OPCML: variants seen among roughly 807,000 people sequenced by gnomAD.
OPCML encodes opioid-binding protein/cell adhesion molecule.
In OPCML, 13 loss-of-function variants were observed where a neutral mutation model predicts 37.8. The ratio of observed to expected loss-of-function variants is 0.34; its 90% CI spans 0.22 to 0.55. The LOEUF (loss-of-function observed/expected upper bound fraction) is 0.55, where lower values mean the gene tolerates loss of function less well. Among genes scored for constraint, OPCML ranks in the 20% least tolerant of loss-of-function variants. The pLI, the probability that OPCML is intolerant of heterozygous loss-of-function variation, is 0.91. For synonymous variants in OPCML, 176 were observed against 168.8 expected (o/e 1.04, Z -0.33); for missense variants, 341 against 435.6 (o/e 0.78, Z 1.93).
intron 1 of OPCML, chr11:133,004,450 A>G (rs1489140547): frequency 2.0e-6 from 2 of 985,334 alleles, no homozygotes; most frequent in Non-Finnish European, 2.4e-6. Flanking sequence ...CAGCATGTGG[A>G]GGCTGAGGTG....
At chr11:133,363,617 T>C (rs954643140) in intron 1 of OPCML, among the ~76,000 whole-genome samples, 3 of 152,208 alleles carry the variant, frequency 2.0e-5, no homozygotes, top group Non-Finnish European at 4.4e-5. Flanking sequence ...CAGTCTTTCC[T>C]ATGCACGTGT....
intron 4 of OPCML, among the ~76,000 whole-genome samples, chr11:132,462,854 A>C (rs1010792761): frequency 3.3e-5 from 5 of 152,268 alleles, no homozygotes; most frequent in Non-Finnish European, 5.9e-5. Flanking sequence ...GTATCTGGAA[A>C]TTGCCCCTGA....
intron 1 of OPCML, among the ~76,000 whole-genome samples, chr11:133,119,774 G>T (rs1345740384): frequency 6.6e-6 from 1 of 152,222 alleles, no homozygotes; most frequent in Non-Finnish European, 1.5e-5. Context: ...CAGGGGCAGA[G>T]GCTCACGTGA....
intron 2 of OPCML, among the ~76,000 whole-genome samples, chr11:132,922,785 G>A (rs986093453): frequency 4.6e-5 from 7 of 152,254 alleles, no homozygotes; most frequent in Middle Eastern, 3.4e-3. Flanking sequence ...AAGACACAGC[G>A]GGAGAGGCTG....
chr11:132,593,823 T>A (rs1339843919), intron 3 of OPCML, among the ~76,000 whole-genome samples: 1 of 152,178 alleles, frequency 6.6e-6, no homozygotes, highest in Non-Finnish European at 1.5e-5. Flanking sequence ...CCTGTAACCA[T>A]GAAAAATCAA....
At chr11:133,374,863 G>A (rs1488043094) in intron 1 of OPCML, among the ~76,000 whole-genome samples, 4 of 152,164 alleles carry the variant, frequency 2.6e-5, no homozygotes, top group Admixed American at 6.5e-5. Context: ...ATGCAGCCAA[G>A]GTACCATATG....
At chr11:133,079,780 A>G (rs1948680797) in intron 1 of OPCML, among the ~76,000 whole-genome samples, 1 of 151,818 alleles carries the variant, frequency 6.6e-6, no homozygotes, top group Non-Finnish European at 1.5e-5. Context: ...AAGGACCTAT[A>G]TGTTCCCCAA....
In OPCML at chr11:132,803,814, A is replaced by G. The variant is rs1266751714; in HGVS notation, c.146+139112T>C. ...TGTGTCAATTTTTCTACTTAAAAAT[A>G]GGGATAGTACCTAAATTAGAGTGCT... On this transcript the variant is annotated intron_variant, in intron 2 of 7. Coordinates refer to ENST00000524381, the MANE Select transcript of OPCML (RefSeq NM_001012393.5). Among the ~76,000 whole-genome samples the G allele has an allele frequency of 3.3e-5, 5 of 152,370 alleles. No individual in the cohort carries two copies. The South Asian group carries it at 6.2e-4, about 19-fold the overall frequency.
chr11:133,127,462 G>A (rs565569480), intron 1 of OPCML, among the ~76,000 whole-genome samples: 1 of 152,038 alleles, frequency 6.6e-6, no homozygotes, highest in East Asian at 1.9e-4. Flanking sequence ...GAAAAACCCT[G>A]TCTCTACAAA....
chr11:133,293,146 G>C (rs1026433270), intron 1 of OPCML, among the ~76,000 whole-genome samples: 2 of 152,154 alleles, frequency 1.3e-5, no homozygotes, highest in African/African-American at 4.8e-5. Flanking sequence ...GATCTGGGTA[G>C]AATTTTTGGA....
At chr11:133,198,702 G>A (rs1336388986) in intron 1 of OPCML, among the ~76,000 whole-genome samples, 1 of 152,206 alleles carries the variant, frequency 6.6e-6, no homozygotes, top group African/African-American at 2.4e-5. Flanking sequence ...GGAGTGTGAT[G>A]GGATGAGGCC....
In OPCML at chr11:132,441,360, G is replaced by GTTT. The variant is rs2096034368; in HGVS notation, c.506-4002_506-4001insAAA. ...TTTTTTTGTATTTTTAGTAGAGACGGGGTTTCACCGTTTTAGCCGGGATGG... is the reference window on the plus strand; with the variant it reads ...TTTTTTTGTATTTTTAGTAGAGACGGTTTGGTTTCACCGTTTTAGCCGGGATGG... On this transcript the variant is annotated intron_variant, in intron 4 of 7. Transcript: ENST00000524381. Among the ~76,000 whole-genome samples the GTTT allele has an allele frequency of 3.3e-5, 5 of 151,068 alleles. No homozygotes were observed. In the South Asian group the frequency reaches 1.0e-3, roughly 32 times the overall value.
rs1205739187 is a variant in OPCML, at chr11:132,436,196, C to T, written c.806G>A (p.Gly269Asp). The T allele has an allele frequency of 2.5e-6, 4 of 1,614,092 alleles. No homozygotes were observed. Among genetic ancestry groups the T allele is most frequent in the African/African-American group, 1.3e-5 (1 of 74,946 alleles). The change falls in exon 7 of 8, where the codon GGC becomes GAC. Residue 269 changes from glycine to aspartate, a missense_variant. By Grantham distance (94) the Gly-to-Asp change is moderately conservative (BLOSUM62 -1). Transcript: ENST00000524381. Reference sequence around the variant, plus strand: ...GAAGAAAGTCAGAGTGGACATGCGGCCTTTGTTTTCAATCCTCATTCCATC... The same window carrying T: ...GAAGAAAGTCAGAGTGGACATGCGGTCTTTGTTTTCAATCCTCATTCCATC... ...GLDGMRIENK[G>D]RMSTLTFFNV...
chr11:132,586,700 G>C (rs1285128992), intron 3 of OPCML, among the ~76,000 whole-genome samples: 1 of 152,138 alleles, frequency 6.6e-6, no homozygotes, highest in Non-Finnish European at 1.5e-5. Context: ...ATGACACTGT[G>C]CTCAATAGAA....
chr11:133,396,436 A>G (rs10894675), intron 1 of OPCML, among the ~76,000 whole-genome samples: 71,599 of 151,642 alleles, frequency 0.47, 19,464 homozygotes, highest in African/African-American at 0.76. Context: ...TTATTTTTCC[A>G]CATTCCTATG....
intron 1 of OPCML, chr11:133,009,220 AG>A: frequency 1.0e-6 from 1 of 985,286 alleles, no homozygotes; most frequent in Non-Finnish European, 1.2e-6. Context: ...CCCTGATCTC[AG>A]GGAACTTCAA....
At position 133,009,247 on chromosome 11, in the gene OPCML, G is replaced by A. The variant is rs1021357722; in HGVS notation, c.62-66237C>T. The A allele has an allele frequency of 2.0e-5, 20 of 984,888 alleles. No individual in the cohort carries two copies. The East Asian group carries it at 1.4e-3, about 67-fold the overall frequency. 61.0% of individuals were successfully genotyped at this position (984,888 alleles called of 1,614,324 possible). A position where few individuals can be genotyped will look rare whatever the true frequency, so the allele number is the denominator to read the frequency against. ...GGAACTTCAAGTGTTGCAAGAAAAC[G>A]GACATAAATACTTGCTTGTTAAAAT... On this transcript the variant is annotated intron_variant, in intron 1 of 7. Coordinates refer to ENST00000524381, the MANE Select transcript of OPCML (RefSeq NM_001012393.5).
chr11:133,227,992 T>A (rs1940110551), intron 1 of OPCML, among the ~76,000 whole-genome samples: 1 of 152,216 alleles, frequency 6.6e-6, no homozygotes, highest in African/African-American at 2.4e-5. Flanking sequence ...TCTGGGAACC[T>A]GGGGACTCTG....
At chr11:133,076,931 G>A (rs1948629653) in intron 1 of OPCML, among the ~76,000 whole-genome samples, 1 of 152,152 alleles carries the variant, frequency 6.6e-6, no homozygotes, top group South Asian at 2.1e-4. Flanking sequence ...AGTAGAGCTA[G>A]TGTGGGTGAC....
Sources: gnomAD v4.1 joint callset for allele counts (sites outside exome capture counted in the v4.1 genomes callset) on GRCh38, gnomAD v4.1.1 for gene constraint, MANE v1.5 for transcripts, NCBI Gene and HGNC (gene_info 2026-07-23, HGNC 2026-07-21) for gene names.